BTNL9: variants seen among roughly 807,000 people sequenced by gnomAD.
The protein encoded by BTNL9 is butyrophilin like 9.
Under a neutral mutation model 45.8 loss-of-function variants are expected in BTNL9, and 45 were observed. The ratio of observed to expected loss-of-function variants is 0.98; its 90% CI spans 0.77 to 1.26. The LOEUF is 1.26. BTNL9 is among the 50% of genes most tolerant of loss of function. BTNL9 has a pLI of 0.00. For missense variants in BTNL9, 784 were observed against 729.7 expected (o/e 1.07, Z -0.86); for synonymous variants, 346 against 330.8 (o/e 1.05, Z -0.50).
chr5:181,050,023 C>A lies in BTNL9; in HGVS notation c.455-65C>A. 2 of 1,543,022 alleles carry A rather than the reference C, an allele frequency of 1.3e-6. No homozygotes were observed. The highest frequency in any genetic ancestry group is 1.8e-6 in the Non-Finnish European group (2 of 1,138,260). On this transcript the variant is annotated intron_variant, in intron 3 of 10. Coordinates refer to ENST00000327705, the MANE Select transcript of BTNL9 (RefSeq NM_152547.5). This position sits in a 1 kb window ranked among gnomAD's most constrained non-coding sequence, Gnocchi z 4.9. ...GGTGACTGCAAATGCTGAACAGTGGCAGGAATGTTATGCGTGATTTCTCAG... is the reference window on the plus strand; with the variant it reads ...GGTGACTGCAAATGCTGAACAGTGGAAGGAATGTTATGCGTGATTTCTCAG...
Position 181,058,270 on chromosome 5 carries a change from ATACATC to A in BTNL9, c.956-80_956-75del. On this transcript the variant is annotated intron_variant, in intron 9 of 10. Coordinates refer to ENST00000327705, the MANE Select transcript of BTNL9 (RefSeq NM_152547.5). ...GTCATTCGATCTGCATGCATCCCTC[ATACATC>A]TGGAGACTTCGTTAAGGTTCCAGAG... 3 of 1,515,438 alleles carry A rather than the reference ATACATC, an allele frequency of 2.0e-6. 1 individual carries two copies. The South Asian group carries it at 3.4e-5, about 17-fold the overall frequency. 93.9% of individuals were successfully genotyped at this position (1,515,438 alleles called of 1,614,324 possible). A position where few individuals can be genotyped will look rare whatever the true frequency, so the allele number is the denominator to read the frequency against.
chr5:181,053,326 C>CGGGCGGCGGGGCGGCG lies in BTNL9; in HGVS notation c.853+24_853+25insCGGGGCGGCGGGGCGG, dbSNP rs750431971. 1 of 1,541,618 alleles carries CGGGCGGCGGGGCGGCG rather than the reference C, an allele frequency of 6.5e-7. No homozygotes were observed. The highest frequency in any genetic ancestry group is 1.4e-5 in the African/African-American group (1 of 70,152). On this transcript the variant is annotated intron_variant, in intron 5 of 10. Coordinates refer to ENST00000327705, the MANE Select transcript of BTNL9 (RefSeq NM_152547.5). The surrounding 1 kb of genome is among the most constrained non-coding windows in gnomAD (Gnocchi z 6.5). ...CAGCGGAGAAGCCGAGGTACCGGCGCGGGCGGCGGGGCGGGGAGGGGCACC... is the reference window on the plus strand; with the variant it reads ...CAGCGGAGAAGCCGAGGTACCGGCGCGGGCGGCGGGGCGGCGGGGCGGCGGGGCGGGGAGGGGCACC...
intron 7 of BTNL9, chr5:181,054,624 C>G (rs1352356348): frequency 2.0e-6 from 2 of 985,254 alleles, no homozygotes; most frequent in South Asian, 4.7e-5. Flanking sequence ...AATAATTTCT[C>G]AGATCCACTT....
Position 181,060,844 on chromosome 5 carries a change from C to T in BTNL9, c.*982C>T, listed in dbSNP as rs1243249494. The T allele has an allele frequency of 6.6e-6, 1 of 152,260 alleles. No individual in the cohort carries two copies. Among genetic ancestry groups the T allele is most frequent in the Non-Finnish European group, 1.5e-5 (1 of 68,090 alleles). 9.4% of individuals were successfully genotyped at this position (152,260 alleles called of 1,614,324 possible). ...AACTGGGGAAAGAAGTGTTCTTCACCCCCTACCCCCAAGACATTGTCTCTG... is the reference window on the plus strand; with the variant it reads ...AACTGGGGAAAGAAGTGTTCTTCACTCCCTACCCCCAAGACATTGTCTCTG... On this transcript the variant is annotated 3_prime_UTR_variant, in exon 11 of 11. Transcript: ENST00000327705.
Position 181,054,243 on chromosome 5 carries a change from A to G in BTNL9, c.891A>G (p.Lys297=). ...TTTTTTTTTTTTTTTCTCTAGAGAA[A>G]CTCACTGCAGAGCTGGGTAAGTTCT... is the stretch of plus-strand genomic sequence containing the variant. ...LRKQAEKRQE[K]LTAELEKLQT... is the part of the protein sequence containing the mutation. The change falls in exon 7 of 11, where the codon AAA becomes AAG. Residue 297 remains lysine (K), a synonymous_variant. Transcript: ENST00000327705. 6.2e-7 allele frequency: 1 copy of G among 1,603,000 alleles called. No homozygotes were observed. The highest frequency in any genetic ancestry group is 8.5e-7 in the Non-Finnish European group (1 of 1,177,408).
At chr5:181,046,698 C>CGAGAGAGAGAGGGAGA (rs1224479344) in intron 2 of BTNL9, among the ~76,000 whole-genome samples, 24 of 143,876 alleles carry the variant, frequency 1.7e-4, no homozygotes, top group Non-Finnish European at 3.1e-4. Flanking sequence ...AGAGAGAGAG[C>CGAGAGAGAGAGGGAGA]GAGAGAGAGA....
At position 181,061,175 on chromosome 5, in the gene BTNL9, G is replaced by A. The variant is rs1390849971; in HGVS notation, c.*1313G>A. The stretch of plus-strand genomic sequence containing the variant: ...AAGTTTTTAGATATTAATTACCACA[G>A]TGTCTGCCACTGAATTTCCAGTGAC... On this transcript the variant is annotated 3_prime_UTR_variant, in exon 11 of 11. Coordinates refer to ENST00000327705, the MANE Select transcript of BTNL9 (RefSeq NM_152547.5). 1.3e-5 allele frequency: 2 copies of A among 152,224 alleles called. No homozygotes were observed. Among genetic ancestry groups the A allele is most frequent in the South Asian group, 2.1e-4 (1 of 4,820 alleles). The allele number at this position is 152,224 out of a possible 1,614,324, so 9.4% of individuals were successfully genotyped here.
At chr5:181,058,083 C>T (rs1334775098) in intron 9 of BTNL9, among the ~76,000 whole-genome samples, 2 of 152,150 alleles carry the variant, frequency 1.3e-5, no homozygotes, top group African/African-American at 4.8e-5. Flanking sequence ...GTCTCTTTAC[C>T]TACATGCTCC....
Position 181,059,904 on chromosome 5 carries a change from G to A in BTNL9, c.*42G>A. On this transcript the variant is annotated 3_prime_UTR_variant, in exon 11 of 11. Transcript: ENST00000327705. ...CGGGACTGGCCCCGGGGGGCCCCCT[G>A]GATCCCAGGCCAGCGCTTTGCTCTC... 1 of 1,466,578 alleles carries A rather than the reference G, an allele frequency of 6.8e-7. No individual in the cohort carries two copies. Among genetic ancestry groups the A allele is most frequent in the South Asian group, 1.3e-5 (1 of 75,148 alleles). 90.8% of individuals were successfully genotyped at this position (1,466,578 alleles called of 1,614,324 possible). A position where few individuals can be genotyped will look rare whatever the true frequency, so the allele number is the denominator to read the frequency against.
chr5:181,052,492 T>C (rs1436369147), intron 4 of BTNL9, among the ~76,000 whole-genome samples: 1 of 152,228 alleles, frequency 6.6e-6, no homozygotes, highest in Non-Finnish European at 1.5e-5. Context: ...ACGTATATTT[T>C]ACTACAATAA....
chr5:181,044,279 G>T (rs542386256), intron 1 of BTNL9, among the ~76,000 whole-genome samples: 56 of 152,176 alleles, frequency 3.7e-4, no homozygotes, highest in Non-Finnish European at 6.6e-4. Context: ...GTTGCTGACA[G>T]TGTGGCCAGT....
intron 9 of BTNL9, chr5:181,056,401 T>A (rs1761884538): frequency 9.4e-6 from 6 of 639,420 alleles, no homozygotes; most frequent in Non-Finnish European, 1.7e-5. Flanking sequence ...TATCGATGTA[T>A]GCATATGCAT....
At chr5:181,051,685 CATT>C (rs1195420227) in intron 4 of BTNL9, among the ~76,000 whole-genome samples, 1 of 152,100 alleles carries the variant, frequency 6.6e-6, no homozygotes, top group Admixed American at 6.5e-5. Flanking sequence ...TTAAGGAAAA[CATT>C]ATTGGGTTGT....
At chr5:181,047,156 TG>T (rs1255926686) in intron 2 of BTNL9, among the ~76,000 whole-genome samples, 3 of 151,986 alleles carry the variant, frequency 2.0e-5, no homozygotes, top group African/African-American at 7.3e-5. Context: ...TGAGTGCCTG[TG>T]GGGTGGCAGG....
At chr5:181,040,863 C>T (rs1474519051) in intron 1 of BTNL9, among the ~76,000 whole-genome samples, 1 of 152,238 alleles carries the variant, frequency 6.6e-6, no homozygotes, top group Admixed American at 6.5e-5. Context: ...CAAGGCCCCA[C>T]TGACACCTGC....
In BTNL9 at chr5:181,055,439, T is replaced by C; in HGVS notation, c.914T>C (p.Leu305Pro). 1 of 1,614,186 alleles carries C rather than the reference T, an allele frequency of 6.2e-7. No homozygotes were observed. The highest frequency in any genetic ancestry group is 1.1e-5 in the South Asian group (1 of 91,086). The part of the protein sequence containing the change: ...QEKLTAELEK[L>P]QTELDWRRAE... Reference sequence around the variant, plus strand: ...TTGTGTGTTCTGCTTGCAGAAAAGCTTCAGACAGAGCTTGGTAAGTGACCC... The same window carrying C: ...TTGTGTGTTCTGCTTGCAGAAAAGCCTCAGACAGAGCTTGGTAAGTGACCC... Residue 305 changes from leucine to proline, a missense_variant, in exon 8 of 11, where the codon CTT becomes CCT. Transcript: ENST00000327705. The surrounding 1 kb of genome is among the most constrained non-coding windows in gnomAD (Gnocchi z 4.4).
intron 3 of BTNL9, 47 bp downstream of exon 3, chr5:181,048,318 T>C (rs1321983430): frequency 2.0e-6 from 3 of 1,507,428 alleles, no homozygotes; most frequent in Non-Finnish European, 2.7e-6. Flanking sequence ...GAGATCCAGG[T>C]GCTTTGCCAA....
In BTNL9 at chr5:181,060,709, T is replaced by C. The variant is rs1007895119; in HGVS notation, c.*847T>C. The C allele has an allele frequency of 6.6e-6, 1 of 152,162 alleles. No individual in the cohort carries two copies. Among genetic ancestry groups the C allele is most frequent in the Admixed American group, 6.5e-5 (1 of 15,276 alleles). 9.4% of individuals were successfully genotyped at this position (152,162 alleles called of 1,614,324 possible). A position where few individuals can be genotyped will look rare whatever the true frequency, so the allele number is the denominator to read the frequency against. On this transcript the variant is annotated 3_prime_UTR_variant, in exon 11 of 11. Coordinates refer to ENST00000327705, the MANE Select transcript of BTNL9 (RefSeq NM_152547.5). ...AAGCAGTAACCTTATACACTACTTA[T>C]AAGTTTGAAAGGGGAAAGGTTACCT...
chr5:181,045,624 C>G, intron 2 of BTNL9, 26 bp downstream of exon 2: 2 of 1,578,754 alleles, frequency 1.3e-6, no homozygotes, highest in Non-Finnish European at 1.7e-6. Context: ...CCTAGCTGGC[C>G]AGGATGTGAA....
Sources: gnomAD v4.1 joint callset for allele counts (sites outside exome capture counted in the v4.1 genomes callset) on GRCh38, gnomAD v4.1.1 for gene constraint, Gnocchi (gnomAD v3.1) non-coding constraint, MANE v1.5 for transcripts, NCBI Gene and HGNC (gene_info 2026-07-23, HGNC 2026-07-21) for gene names.